SLC1A3: variants seen among roughly 807,000 people sequenced by gnomAD.
The protein encoded by SLC1A3 is excitatory amino acid transporter 1.
Under a neutral mutation model 48.1 loss-of-function variants are expected in SLC1A3, and 21 were observed. The ratio of observed to expected loss-of-function variants is 0.44; its 90% CI spans 0.31 to 0.63. The LOEUF (loss-of-function observed/expected upper bound fraction) is 0.63, where lower values mean the gene tolerates loss of function less well. SLC1A3 is among the 20% of genes least tolerant of loss of function. The probability of loss-of-function intolerance (pLI) is 0.08; values close to 1 mark genes in which losing one functional copy is unlikely to be tolerated. For synonymous variants in SLC1A3, 239 were observed against 251.4 expected, an observed-to-expected ratio of 0.95 and a Z score of 0.47; for missense variants, 546 against 689.0, an observed-to-expected ratio of 0.79 and a Z score of 2.32.
chr5:36,596,622 G>A (rs923138723), exon 1 of SLC1A3, among the ~76,000 whole-genome samples: 1 of 152,338 alleles, frequency 6.6e-6, no homozygotes, highest in Non-Finnish European at 1.5e-5. Flanking sequence ...AAAGGTGCAA[G>A]TCCAAGTAGC....
At chr5:36,622,521 T>C (rs756595179) in intron 2 of SLC1A3, among the ~76,000 whole-genome samples, 2 of 152,196 alleles carry the variant, frequency 1.3e-5, no homozygotes, top group Non-Finnish European at 2.9e-5. Flanking sequence ...CTCTTAAATA[T>C]TTTCTGGCAT....
chr5:36,670,861 T>C (rs995255935), intron 3 of SLC1A3, 168 bp from the exon 4 acceptor site: 7 of 676,160 alleles, frequency 1.0e-5, no homozygotes, highest in Admixed American at 6.3e-5. Flanking sequence ...CCTCGGCCTT[T>C]TCCCTTCACC....
Position 36,677,195 on chromosome 5 carries a change from C to T in SLC1A3, c.860+11C>T, listed in dbSNP as rs1413956260. On this transcript the variant is annotated intron_variant, in intron 6 of 9. Coordinates refer to ENST00000265113, the MANE Select transcript of SLC1A3 (RefSeq NM_004172.5). ...AGCAGTAATAATGTGGTATGTATTT[C>T]CATTTTCTATATATGTTATATACGA... 6.2e-7 allele frequency: 1 copy of T among 1,607,536 alleles called. No homozygotes were observed. Among genetic ancestry groups the T allele is most frequent in the Non-Finnish European group, 8.5e-7 (1 of 1,174,136 alleles).
intron 5 of SLC1A3, among the ~76,000 whole-genome samples, chr5:36,676,057 T>C (rs1258188349): frequency 6.6e-6 from 1 of 152,182 alleles, no homozygotes; most frequent in East Asian, 1.9e-4. Context: ...GGGGCATCTA[T>C]GTAGAAACTG....
intron 3 of SLC1A3, chr5:36,636,142 C>T (rs1447354351): frequency 6.6e-6 from 1 of 150,440 alleles, no homozygotes; most frequent in African/African-American, 2.5e-5. Context: ...ATTTACCTTT[C>T]CATTACAGAT....
chr5:36,683,948 C>T lies in SLC1A3; in HGVS notation c.1374C>T (p.Val458=), dbSNP rs1010187869. ...LVTMVIVLTS[V]GLPTDDITLI... ...CTATGGTCATTGTGCTGACATCTGTCGGCCTGCCCACTGACGACATCACGC... is the reference window on the plus strand; with the variant it reads ...CTATGGTCATTGTGCTGACATCTGTTGGCCTGCCCACTGACGACATCACGC... Residue 458 remains valine (V), a synonymous_variant, in exon 9 of 10, where the codon GTC becomes GTT. Coordinates refer to ENST00000265113, the MANE Select transcript of SLC1A3 (RefSeq NM_004172.5). 11 of 1,614,054 alleles carry T rather than the reference C, an allele frequency of 6.8e-6. No individual in the cohort carries two copies. The highest frequency in any genetic ancestry group is 1.6e-4 in the Middle Eastern group (1 of 6,084).
At chr5:36,609,339 T>A in intron 2 of SLC1A3, 1 of 814,030 alleles carries the variant, frequency 1.2e-6, no homozygotes, top group Non-Finnish European at 1.5e-6. Context: ...GATCCTACTT[T>A]AAAATATAGC....
In SLC1A3 at chr5:36,635,173, G is replaced by GAAAAA. The variant is rs545440959; in HGVS notation, c.319+5596_319+5600dup. Among the ~76,000 whole-genome samples the GAAAAA allele has an allele frequency of 7.6e-5, 10 of 132,394 alleles. 1 individual carries two copies. The highest frequency in any genetic ancestry group is 2.7e-4 in the African/African-American group (10 of 36,400). 86.9% of individuals were successfully genotyped at this position (132,394 alleles called of 152,430 possible). On this transcript the variant is annotated intron_variant, in intron 3 of 9. Coordinates refer to ENST00000265113, the MANE Select transcript of SLC1A3 (RefSeq NM_004172.5). ...TCAACACCTACCCGTACGTTGTATT[G>GAAAAA]AAAAAAAAAAAAAACAGTATCTAAC...
intron 8 of SLC1A3, among the ~76,000 whole-genome samples, chr5:36,682,998 C>A (rs1742497424): frequency 6.6e-6 from 1 of 152,234 alleles, no homozygotes; most frequent in East Asian, 1.9e-4. Context: ...GCCAGGTCTA[C>A]ACTGCCTTCA....
chr5:36,631,008 A>G (rs1740113898), intron 3 of SLC1A3, among the ~76,000 whole-genome samples: 1 of 152,154 alleles, frequency 6.6e-6, no homozygotes, highest in African/African-American at 2.4e-5. Flanking sequence ...ATATGCTGAT[A>G]TTTTTCTGGG....
rs774323789 is a variant in SLC1A3 at position 36,679,760 on chromosome 5, G to A, written c.994G>A (p.Val332Ile). 1.4e-5 allele frequency: 23 copies of A among 1,614,008 alleles called. No homozygotes were observed. The East Asian group carries it at 1.6e-4, about 11-fold the overall frequency. Residue 332 changes from valine to isoleucine, a missense_variant, in exon 7 of 10, where the codon GTC becomes ATC. Physicochemically the swap from Val to Ile is conservative, Grantham distance 29. Coordinates refer to ENST00000265113, the MANE Select transcript of SLC1A3 (RefSeq NM_004172.5). Reference protein sequence around the residue: ...IVGLLIHAVIVLPLLYFLVTR... With the variant: ...IVGLLIHAVIILPLLYFLVTR... ...TGGCTTACTCATTCACGCAGTCATC[G>A]TCTTGCCACTCCTCTACTTCTTGGT...
upstream of SLC1A3, among the ~76,000 whole-genome samples, chr5:36,604,783 A>G (rs917488554): frequency 1.3e-5 from 2 of 152,016 alleles, no homozygotes; most frequent in Admixed American, 6.6e-5. Context: ...CTTGCCTATT[A>G]ACAAAAATAA....
intron 3 of SLC1A3, among the ~76,000 whole-genome samples, chr5:36,646,132 AGG>A (rs1376707976): frequency 6.6e-6 from 1 of 152,258 alleles, no homozygotes; most frequent in African/African-American, 2.4e-5. Flanking sequence ...TATATCATTA[AGG>A]GAAAGCTAAA....
chr5:36,617,613 T>C lies in SLC1A3; in HGVS notation c.181+9009T>C, dbSNP rs553052371. 1.6e-4 allele frequency among the ~76,000 whole-genome samples: 25 copies of C among 152,236 alleles called. No individual in the cohort carries two copies. In the South Asian group the frequency reaches 3.7e-3, roughly 23 times the overall value. On this transcript the variant is annotated intron_variant, in intron 2 of 9. Transcript: ENST00000265113. ...AATGTTATGACTATAAAAATAAATATGTATTTATTCCTTTTTTGACTCTTT... is the reference window on the plus strand; with the variant it reads ...AATGTTATGACTATAAAAATAAATACGTATTTATTCCTTTTTTGACTCTTT...
At chr5:36,625,245 G>A (rs897114988) in intron 2 of SLC1A3, among the ~76,000 whole-genome samples, 1 of 152,232 alleles carries the variant, frequency 6.6e-6, no homozygotes, top group Admixed American at 6.5e-5. Context: ...ATCACGTGAC[G>A]TCAGGAGTTT....
intron 3 of SLC1A3, among the ~76,000 whole-genome samples, chr5:36,643,488 C>T (rs981084278): frequency 2.2e-4 from 33 of 152,148 alleles, no homozygotes; most frequent in Non-Finnish European, 4.4e-5. Flanking sequence ...TATTCAGATC[C>T]TTTGCCCATT....
At chr5:36,679,939 A>G (rs1026480765) in intron 7 of SLC1A3, 79 bp downstream of exon 7, 12 of 953,056 alleles carry the variant, frequency 1.3e-5, no homozygotes, top group Admixed American at 3.8e-5. Flanking sequence ...AGGAGAAGCC[A>G]TTTTATTCTG....
chr5:36,683,330 C>A (rs1448714077), intron 8 of SLC1A3, among the ~76,000 whole-genome samples: 2 of 152,132 alleles, frequency 1.3e-5, no homozygotes, highest in African/African-American at 4.8e-5. Context: ...ATTAGATAAA[C>A]CATGCTTAGT....
intron 3 of SLC1A3, among the ~76,000 whole-genome samples, chr5:36,655,693 T>C (rs1741256607): frequency 6.6e-6 from 1 of 152,240 alleles, no homozygotes; most frequent in Admixed American, 6.5e-5. Context: ...ACTTTCATTC[T>C]GTCCTAGCCT....
Sources: allele counts gnomAD v4.1 joint callset (sites outside exome capture counted in the v4.1 genomes callset), GRCh38; gene constraint gnomAD v4.1.1; transcripts MANE v1.5; gene names NCBI Gene and HGNC (gene_info 2026-07-23, HGNC 2026-07-21).